The following MET variants were observed in gnomAD, a reference collection of about 807,000 sequenced individuals.
MET encodes the protein hepatocyte growth factor receptor.
MET carries 48 observed loss-of-function variants against 133.1 expected under a neutral mutation model. The ratio of observed to expected loss-of-function variants is 0.36; its 90% CI spans 0.29 to 0.46. The LOEUF (loss-of-function observed/expected upper bound fraction) is 0.46. Ranked by LOEUF, MET falls within the 20% of genes least tolerant of loss-of-function variation. The pLI, the probability that MET is intolerant of heterozygous loss-of-function variation, is 1.00. For missense variants in MET, 1,442 were observed against 1,695.9 expected (o/e 0.85, Z 2.63); for synonymous variants, 628 against 616.5 (o/e 1.02, Z -0.28).
Position 116,797,551 on chromosome 7 carries a change from T to C in MET, c.*1427T>C, listed in dbSNP as rs1489877229. On this transcript the variant is annotated 3_prime_UTR_variant, in exon 21 of 21. Transcript: ENST00000397752. ...GCTTCATTCTGTGGAATTTTGTGCTTGCTACTGTATAGTGCATGTGGTGTA... is the reference window on the plus strand; with the variant it reads ...GCTTCATTCTGTGGAATTTTGTGCTCGCTACTGTATAGTGCATGTGGTGTA... The C allele has an allele frequency of 2.6e-5, 6 of 229,532 alleles. No individual in the cohort carries two copies. In the East Asian group the frequency reaches 3.8e-4, roughly 14 times the overall value. 14.2% of individuals were successfully genotyped at this position (229,532 alleles called of 1,614,324 possible). A position where few individuals can be genotyped will look rare whatever the true frequency, so the allele number is the denominator to read the frequency against.
rs543632409 is a variant in MET, at chr7:116,748,104, C to G, written c.1701+7079C>G. 2.2e-3 allele frequency among the ~76,000 whole-genome samples: 339 copies of G among 152,186 alleles called. 3 individuals are homozygous for G. Among genetic ancestry groups the G allele is most frequent in the South Asian group, 0.015 (70 of 4,816 alleles). ...CTAAAAATACTAAAAATTAGCTGGGCATGGTGGCGGGCGCCTGTAGTCCCA... is the reference window on the plus strand; with the variant it reads ...CTAAAAATACTAAAAATTAGCTGGGGATGGTGGCGGGCGCCTGTAGTCCCA... On this transcript the variant is annotated intron_variant, in intron 5 of 20. Transcript: ENST00000397752.
At chr7:116,794,053 G>T (rs1218949047) in intron 19 of MET, among the ~76,000 whole-genome samples, 1 of 150,970 alleles carries the variant, frequency 6.6e-6, no homozygotes, top group Non-Finnish European at 1.5e-5. Flanking sequence ...CTCTCTTCCT[G>T]CAGCCTTTCT....
chr7:116,769,326 C>A (rs993930730), intron 11 of MET, among the ~76,000 whole-genome samples: 3 of 152,132 alleles, frequency 2.0e-5, no homozygotes, highest in Admixed American at 2.0e-4. Flanking sequence ...ATTGATACCC[C>A]CTGAGGACAA....
chr7:116,764,025 T>C (rs1414565987), intron 11 of MET, among the ~76,000 whole-genome samples: 1 of 152,210 alleles, frequency 6.6e-6, no homozygotes, highest in Non-Finnish European at 1.5e-5. Flanking sequence ...TTAAAACATT[T>C]AGAATTTTTT....
chr7:116,792,085 A>AT (rs11431559), intron 19 of MET, among the ~76,000 whole-genome samples: 53,148 of 151,786 alleles, frequency 0.35, 11,164 homozygotes, highest in East Asian at 0.47. Flanking sequence ...TTATCAATTT[A>AT]TTTTTTTTCT....
At chr7:116,793,376 T>C (rs1005792628) in intron 19 of MET, among the ~76,000 whole-genome samples, 3 of 151,782 alleles carry the variant, frequency 2.0e-5, no homozygotes, top group African/African-American at 7.3e-5. Context: ...GGTTTCACCA[T>C]GTTGGCCAGG....
intron 1 of MET, among the ~76,000 whole-genome samples, chr7:116,676,732 C>T (rs1447446605): frequency 2.0e-5 from 3 of 152,102 alleles, no homozygotes; most frequent in Admixed American, 6.5e-5. Context: ...GTGAGCCAGG[C>T]GCATATGAGG....
chr7:116,765,883 C>G (rs760013316), intron 11 of MET, among the ~76,000 whole-genome samples: 15 of 151,916 alleles, frequency 9.9e-5, no homozygotes, highest in Non-Finnish European at 1.3e-4. Context: ...CTTGGGTCAC[C>G]CAGGAAGCAA....
chr7:116,758,734 C>G lies in MET; in HGVS notation c.2264+114C>G, dbSNP rs1794284679. On this transcript the variant is annotated intron_variant, in intron 9 of 20. Transcript: ENST00000397752. ...CTCTGGCTTTGATGCTGTTATGTTG[C>G]TTTTGAAGGCTTCTTTCCAATTCAG... 5.9e-6 allele frequency: 6 copies of G among 1,013,730 alleles called. No homozygotes were observed. In the East Asian group the frequency reaches 1.5e-4, roughly 26 times the overall value. The allele number at this position is 1,013,730 out of a possible 1,614,324, so 62.8% of individuals were successfully genotyped here. A position where few individuals can be genotyped will look rare whatever the true frequency, so the allele number is the denominator to read the frequency against.
At chr7:116,769,996 A>C (rs1437779258) in intron 12 of MET, 7 of 689,716 alleles carry the variant, frequency 1.0e-5, no homozygotes, top group Non-Finnish European at 1.7e-5. Context: ...AGATCTCAAA[A>C]GTTCTTTCTA....
intron 5 of MET, among the ~76,000 whole-genome samples, chr7:116,742,182 C>T (rs960381670): frequency 2.0e-5 from 3 of 152,148 alleles, no homozygotes; most frequent in Non-Finnish European, 4.4e-5. Context: ...CCCCCAAGTG[C>T]ATGGCTGTTT....
intron 3 of MET, among the ~76,000 whole-genome samples, chr7:116,735,535 A>T (rs1004923221): frequency 6.6e-6 from 1 of 152,172 alleles, no homozygotes; most frequent in Non-Finnish European, 1.5e-5. Context: ...AGAAGCCTGT[A>T]GTATGCATCA....
chr7:116,768,810 G>T (rs1433460756), intron 11 of MET, among the ~76,000 whole-genome samples: 1 of 152,166 alleles, frequency 6.6e-6, no homozygotes, highest in East Asian at 1.9e-4. Flanking sequence ...CTTGATATGA[G>T]AAATTATACC....
chr7:116,751,327 A>T (rs1046457433), intron 5 of MET, among the ~76,000 whole-genome samples: 1 of 152,214 alleles, frequency 6.6e-6, no homozygotes, highest in Non-Finnish European at 1.5e-5. Flanking sequence ...CAGGAACAGA[A>T]AACCAGACAC....
At chr7:116,761,285 A>G (rs961248187) in intron 10 of MET, among the ~76,000 whole-genome samples, 1 of 152,214 alleles carries the variant, frequency 6.6e-6, no homozygotes, top group Non-Finnish European at 1.5e-5. Context: ...AGTGACAAAC[A>G]TGTTAGTACA....
At chr7:116,746,971 G>A (rs1038080366) in intron 5 of MET, among the ~76,000 whole-genome samples, 2 of 152,142 alleles carry the variant, frequency 1.3e-5, no homozygotes, top group African/African-American at 2.4e-5. Context: ...CCAGAAGACA[G>A]TGGGGGCCAA....
chr7:116,779,581 T>C (rs1795094145), intron 17 of MET, among the ~76,000 whole-genome samples: 1 of 152,274 alleles, frequency 6.6e-6, no homozygotes, highest in East Asian at 1.9e-4. Context: ...CCCATCACAC[T>C]TAACTGTCAT....
In MET at chr7:116,796,197, C is replaced by A; in HGVS notation, c.*73C>A. On this transcript the variant is annotated 3_prime_UTR_variant, in exon 21 of 21. Transcript: ENST00000397752. The stretch of plus-strand genomic sequence containing the variant: ...TTTCACTGCCTGACCTTTAAAAGGC[C>A]ATCGATATTCTTTGCTCTTGCCAAA... 7.2e-7 allele frequency: 1 copy of A among 1,383,234 alleles called. No homozygotes were observed. Among genetic ancestry groups the A allele is most frequent in the Non-Finnish European group, 1.0e-6 (1 of 976,688 alleles). 85.7% of individuals were successfully genotyped at this position (1,383,234 alleles called of 1,614,324 possible). A position where few individuals can be genotyped will look rare whatever the true frequency, so the allele number is the denominator to read the frequency against.
At chr7:116,740,148 G>T in intron 4 of MET, 64 bp downstream of exon 4, 1 of 1,582,752 alleles carries the variant, frequency 6.3e-7, no homozygotes, top group Non-Finnish European at 8.7e-7. Flanking sequence ...TTTACAACCA[G>T]TGTCACTTGG....
Sources: allele counts gnomAD v4.1 joint callset (sites outside exome capture counted in the v4.1 genomes callset), GRCh38; gene constraint gnomAD v4.1.1; transcripts MANE v1.5; gene names NCBI Gene and HGNC (gene_info 2026-07-23, HGNC 2026-07-21).